Variants in C9 observed in about 807,000 individuals in gnomAD.
C9 encodes the protein complement component C9.
Under a neutral mutation model 65.4 loss-of-function variants are expected in C9, and 63 were observed. The ratio of observed to expected loss-of-function variants is 0.96; its 90% CI spans 0.79 to 1.19. C9 has a LOEUF of 1.19. Among genes scored for constraint, C9 ranks in the 50% most tolerant of loss-of-function variants. The pLI is 0.00. For synonymous variants in C9, 229 were observed against 227.9 expected, an observed-to-expected ratio of 1.00 and a Z score of -0.04; for missense variants, 744 against 670.1, an observed-to-expected ratio of 1.11 and a Z score of -1.22.
At chr5:39,325,440 C>T (rs1753731103) in intron 5 of C9, among the ~76,000 whole-genome samples, 1 of 152,144 alleles carries the variant, frequency 6.6e-6, no homozygotes. Flanking sequence ...CTTCTCTTCT[C>T]CCTCATTGTA....
intron 5 of C9, among the ~76,000 whole-genome samples, chr5:39,319,281 T>C (rs2111904638): frequency 6.6e-6 from 1 of 152,336 alleles, no homozygotes; most frequent in Non-Finnish European, 1.5e-5. Context: ...TAATTACTTA[T>C]TAAATAAAAC....
chr5:39,331,315 A>G (rs575175977), intron 5 of C9, among the ~76,000 whole-genome samples: 1 of 152,302 alleles, frequency 6.6e-6, no homozygotes, highest in East Asian at 1.9e-4. Context: ...CAACGCAAAG[A>G]TGAGTTTTCA....
chr5:39,345,579 T>A (rs955241989), intron 1 of C9, among the ~76,000 whole-genome samples: 1 of 151,994 alleles, frequency 6.6e-6, no homozygotes, highest in African/African-American at 2.4e-5. Context: ...TAATGGGAGA[T>A]TTTAACACCC....
At chr5:39,363,488 G>A (rs1288254841) in intron 1 of C9, among the ~76,000 whole-genome samples, 1 of 152,214 alleles carries the variant, frequency 6.6e-6, no homozygotes, top group East Asian at 1.9e-4. Flanking sequence ...GACTAATGAG[G>A]AATTGGAAGC....
rs1206563035 is a variant in C9 at position 39,284,929 on chromosome 5, G to C, written c.*270C>G. 4.7e-6 allele frequency: 2 copies of C among 427,636 alleles called. No homozygotes were observed. The highest frequency in any genetic ancestry group is 4.1e-5 in the African/African-American group (2 of 49,300). The allele number at this position is 427,636 out of a possible 1,614,324, so 26.5% of individuals were successfully genotyped here. A position where few individuals can be genotyped will look rare whatever the true frequency, so the allele number is the denominator to read the frequency against. ...AATTTAATTTTGTTTTTTTTTAGAA[G>C]AGATTGGCATTTTCCGTGGGATAAA... is the stretch of plus-strand genomic sequence containing the variant. On this transcript the variant is annotated 3_prime_UTR_variant, in exon 11 of 11. Coordinates refer to ENST00000263408, the MANE Select transcript of C9 (RefSeq NM_001737.5).
At chr5:39,353,491 A>G (rs1481732052) in intron 1 of C9, among the ~76,000 whole-genome samples, 4 of 152,184 alleles carry the variant, frequency 2.6e-5, no homozygotes, top group Non-Finnish European at 5.9e-5. Flanking sequence ...CAGGCTTTTA[A>G]CCATGCTATT....
chr5:39,315,821 G>T lies in C9; in HGVS notation c.824C>A (p.Ser275Tyr). 2 of 1,607,250 alleles carry T rather than the reference G, an allele frequency of 1.2e-6. No individual in the cohort carries two copies. The highest frequency in any genetic ancestry group is 1.7e-6 in the Non-Finnish European group (2 of 1,174,086). Residue 275 changes from serine (S) to tyrosine (Y), a missense_variant, in exon 6 of 11, where the codon TCC (serine) becomes TAC (tyrosine). Coordinates refer to ENST00000263408, the MANE Select transcript of C9 (RefSeq NM_001737.5). Reference protein sequence around the residue: ...HGKGSFRFSYSKNETYQLFLS... With the variant: ...HGKGSFRFSYYKNETYQLFLS... ...AAATAGTTGGTAAGTTTCATTTTTG[G>T]AATATGAAAACCGAAAACTACCCTT...
intron 1 of C9, among the ~76,000 whole-genome samples, chr5:39,356,039 T>TG (rs955215996): frequency 1.5e-4 from 23 of 152,246 alleles, no homozygotes; most frequent in African/African-American, 4.1e-4. Flanking sequence ...TGGCAGAGGA[T>TG]GGGGGGAGAT....
chr5:39,349,712 A>G (rs1285636687), intron 1 of C9, among the ~76,000 whole-genome samples: 2 of 152,054 alleles, frequency 1.3e-5, no homozygotes, highest in Non-Finnish European at 2.9e-5. Context: ...TTCAGTCCTT[A>G]TCTTACTGAC....
intron 4 of C9, among the ~76,000 whole-genome samples, chr5:39,332,575 G>A (rs886652162): frequency 2.0e-5 from 3 of 152,220 alleles, no homozygotes; most frequent in African/African-American, 4.8e-5. Flanking sequence ...ATATACCTCT[G>A]TTCATTGGAG....
intron 5 of C9, among the ~76,000 whole-genome samples, chr5:39,325,804 T>C (rs939294832): frequency 1.3e-5 from 2 of 150,570 alleles, no homozygotes; most frequent in Admixed American, 1.3e-4. Flanking sequence ...GCAATGATCA[T>C]GTGTATGTTA....
At chr5:39,322,114 C>A (rs1753675794) in intron 5 of C9, among the ~76,000 whole-genome samples, 1 of 151,874 alleles carries the variant, frequency 6.6e-6, no homozygotes, top group Non-Finnish European at 1.5e-5. Context: ...TAAAACAAGT[C>A]TTAAACATTT....
intron 5 of C9, among the ~76,000 whole-genome samples, chr5:39,323,245 G>A (rs901960873): frequency 6.6e-6 from 1 of 151,876 alleles, no homozygotes; most frequent in African/African-American, 2.4e-5. Flanking sequence ...ATTTAAAGAA[G>A]AACTAATCCT....
chr5:39,289,149 G>A (rs1016622804), intron 9 of C9, among the ~76,000 whole-genome samples, 198 bp from the exon 10 acceptor site: 12 of 151,648 alleles, frequency 7.9e-5, no homozygotes, highest in African/African-American at 2.4e-4. Context: ...GTCATATTAC[G>A]GAGTTAAGGA....
intron 4 of C9, among the ~76,000 whole-genome samples, chr5:39,333,291 G>T (rs952250579): frequency 1.3e-5 from 2 of 152,086 alleles, no homozygotes; most frequent in Admixed American, 6.6e-5. Context: ...TTTGTGCTTG[G>T]CCATGTGACT....
intron 9 of C9, among the ~76,000 whole-genome samples, chr5:39,295,622 A>G (rs1244490496): frequency 6.6e-6 from 1 of 151,758 alleles, no homozygotes; most frequent in Non-Finnish European, 1.5e-5. Context: ...ATTCAGTGCA[A>G]TCTCTATCAA....
rs1753417550 is a variant in C9, at chr5:39,308,322, T to C, written c.1148A>G (p.Tyr383Cys). 6.2e-7 allele frequency: 1 copy of C among 1,601,686 alleles called. No individual in the cohort carries two copies. Among genetic ancestry groups the C allele is most frequent in the Non-Finnish European group, 8.6e-7 (1 of 1,168,776 alleles). The change falls in exon 8 of 11, where the codon TAT (tyrosine) becomes TGT (cysteine). Residue 383 changes from tyrosine (Y) to cysteine (C), a missense_variant. By Grantham distance (194) the Tyr-to-Cys change is radical. Coordinates refer to ENST00000263408, the MANE Select transcript of C9 (RefSeq NM_001737.5). Reference sequence around the variant, plus strand: ...GAAAGCCAGAGATACATCCAGATGATACCCAAGGCATCTCTTTATGTCTTT... The same window carrying C: ...GAAAGCCAGAGATACATCCAGATGACACCCAAGGCATCTCTTTATGTCTTT... ...ELKDIKRCLG[Y>C]HLDVSLAFSE...
chr5:39,332,072 A>C (rs1228381340), intron 4 of C9, among the ~76,000 whole-genome samples: 2 of 152,200 alleles, frequency 1.3e-5, no homozygotes, highest in Non-Finnish European at 2.9e-5. Context: ...AAATGCAATA[A>C]GTAAGGCACA....
At chr5:39,338,239 T>C (rs1754006577) in intron 4 of C9, among the ~76,000 whole-genome samples, 1 of 152,342 alleles carries the variant, frequency 6.6e-6, no homozygotes. Flanking sequence ...TTAGTTTTGC[T>C]TTGAAGTTAA....
Sources: gnomAD v4.1 joint callset for allele counts (sites outside exome capture counted in the v4.1 genomes callset) on GRCh38, gnomAD v4.1.1 for gene constraint, MANE v1.5 for transcripts, NCBI Gene and HGNC (gene_info 2026-07-23, HGNC 2026-07-21) for gene names.